SYT17: variants seen among roughly 807,000 people sequenced by gnomAD.
SYT17 encodes synaptotagmin-17.
SYT17 carries 22 observed loss-of-function variants against 46.7 expected under a neutral mutation model. That is an observed-to-expected ratio of 0.47 (90% CI 0.34 to 0.67). The LOEUF is 0.67. Ranked by LOEUF, SYT17 falls within the 30% of genes least tolerant of loss-of-function variation. SYT17 has a pLI of 0.01. For synonymous variants in SYT17, 251 were observed against 248.4 expected, an observed-to-expected ratio of 1.01 and a Z score of -0.10; for missense variants, 519 against 612.8, an observed-to-expected ratio of 0.85 and a Z score of 1.62.
chr16:19,217,819 A>C (rs561753336), intron 5 of SYT17, among the ~76,000 whole-genome samples: 3 of 152,288 alleles, frequency 2.0e-5, no homozygotes, highest in African/African-American at 7.2e-5. Flanking sequence ...ATCCTGGCCA[A>C]CACTGCTTAT....
rs780389431 is a variant in SYT17 at position 19,266,926 on chromosome 16, C to T, written c.1275C>T (p.Ile425=). 28 of 1,613,540 alleles carry T rather than the reference C, an allele frequency of 1.7e-5. No homozygotes were observed. In the South Asian group the frequency reaches 2.3e-4, roughly 13 times the overall value. ...MKSSNDFIGR[I]VIGQYSSGPS... ...GCAGCAATGACTTCATCGGGAGGATCGTCATTGGCCAGTACTCTTCAGGCC... is the reference window on the plus strand; with the variant it reads ...GCAGCAATGACTTCATCGGGAGGATTGTCATTGGCCAGTACTCTTCAGGCC... Residue 425 remains isoleucine (I), a synonymous_variant, in exon 8 of 8, where the codon ATC becomes ATT. Coordinates refer to ENST00000355377, the MANE Select transcript of SYT17 (RefSeq NM_016524.4).
intron 7 of SYT17, among the ~76,000 whole-genome samples, chr16:19,256,088 C>T (rs960966964): frequency 6.6e-6 from 1 of 152,176 alleles, no homozygotes; most frequent in Admixed American, 6.5e-5. Flanking sequence ...TAGAGGTAAT[C>T]ATAGTACAAA....
Position 19,248,754 on chromosome 16 carries a change from G to A in SYT17, c.1229-18126G>A, listed in dbSNP as rs1034968545. 4.6e-5 allele frequency among the ~76,000 whole-genome samples: 7 copies of A among 152,104 alleles called. 1 individual carries two copies. The highest frequency in any genetic ancestry group is 4.2e-4 in the South Asian group (2 of 4,812). ...GGAGAATCACTTGAATCTGGGAGGC[G>A]GAAGTTGCAGTGAGCTGAGATCGCG... On this transcript the variant is annotated intron_variant, in intron 7 of 7. Transcript: ENST00000355377.
Position 19,173,398 on chromosome 16 carries a change from ATCCCCCCGCCCACCT to A in SYT17, c.34-31_34-17del. On this transcript the variant is annotated splice_polypyrimidine_tract_variant and intron_variant, in intron 2 of 7. Transcript: ENST00000355377. ...ACCCTGCCCACCTCCCCTCTCCCCC[ATCCCCCCGCCCACCT>A]CCCCCAATGGCCTCAGGGTTTTCTT... 2 of 43,332 alleles carry A rather than the reference ATCCCCCCGCCCACCT, an allele frequency of 4.6e-5. No individual in the cohort carries two copies. Among genetic ancestry groups the A allele is most frequent in the Non-Finnish European group, 8.3e-5 (2 of 24,110 alleles). The allele number at this position is 43,332 out of a possible 1,614,324, so 2.7% of individuals were successfully genotyped here.
chr16:19,204,806 T>C (rs1439208460), intron 5 of SYT17, among the ~76,000 whole-genome samples: 1 of 152,104 alleles, frequency 6.6e-6, no homozygotes, highest in Non-Finnish European at 1.5e-5. Flanking sequence ...TTGGAAACAC[T>C]GAACTTAGTT....
intron 6 of SYT17, among the ~76,000 whole-genome samples, chr16:19,223,421 G>C (rs536023625): frequency 6.6e-6 from 1 of 152,296 alleles, no homozygotes; most frequent in South Asian, 2.1e-4. Context: ...CTGCAATGTA[G>C]ACGCCATCCT....
chr16:19,224,630 C>T (rs570336679), intron 6 of SYT17, 53 bp from the exon 7 acceptor site: 116 of 1,585,100 alleles, frequency 7.3e-5, no homozygotes, highest in South Asian at 1.7e-4. Flanking sequence ...AATGACTGGA[C>T]GGATTAGGTT....
At chr16:19,242,511 TAC>T (rs1387563474) in intron 7 of SYT17, among the ~76,000 whole-genome samples, 2 of 151,768 alleles carry the variant, frequency 1.3e-5, no homozygotes, top group East Asian at 3.9e-4. Flanking sequence ...ACTTAGATGA[TAC>T]ATTTTTTTTT....
chr16:19,205,705 C>A (rs1322517300), intron 5 of SYT17, among the ~76,000 whole-genome samples: 1 of 152,176 alleles, frequency 6.6e-6, no homozygotes, highest in Non-Finnish European at 1.5e-5. Flanking sequence ...TGGTCTTGAA[C>A]TCCTGACCTC....
At chr16:19,213,833 T>C (rs543893642) in intron 5 of SYT17, among the ~76,000 whole-genome samples, 1 of 152,330 alleles carries the variant, frequency 6.6e-6, no homozygotes, top group Non-Finnish European at 1.5e-5. Context: ...CCTGACGAAC[T>C]GTTCTTATAC....
rs149103467 is a variant in SYT17 at position 19,261,262 on chromosome 16, C to G, written c.1229-5618C>G. Among the ~76,000 whole-genome samples the G allele has an allele frequency of 8.5e-4, 129 of 152,364 alleles. 1 individual carries two copies. Among genetic ancestry groups the G allele is most frequent in the Middle Eastern group, 3.4e-3 (1 of 294 alleles). Reference sequence around the variant, plus strand: ...AAGTTATTACTTATCTTCAGCTTCACTTTATTATAATTTGCATTTTAAATT... The same window carrying G: ...AAGTTATTACTTATCTTCAGCTTCAGTTTATTATAATTTGCATTTTAAATT... On this transcript the variant is annotated intron_variant, in intron 7 of 7. Coordinates refer to ENST00000355377, the MANE Select transcript of SYT17 (RefSeq NM_016524.4).
Position 19,183,146 on chromosome 16 carries a change from G to C in SYT17, c.332-382G>C, listed in dbSNP as rs1964624403. ...ACTCTGGGGTCAGCTAGACCAGCCTGACCCCTGGCTCCTACACTTGCAAGT... is the reference window on the plus strand; with the variant it reads ...ACTCTGGGGTCAGCTAGACCAGCCTCACCCCTGGCTCCTACACTTGCAAGT... On this transcript the variant is annotated intron_variant, in intron 4 of 7. Coordinates refer to ENST00000355377, the MANE Select transcript of SYT17 (RefSeq NM_016524.4). This position sits in a 1 kb window ranked among gnomAD's most constrained non-coding sequence, Gnocchi z 5.6. 6.6e-6 allele frequency among the ~76,000 whole-genome samples: 1 copy of C among 152,182 alleles called. No individual in the cohort carries two copies. The highest frequency in any genetic ancestry group is 2.1e-4 in the South Asian group (1 of 4,828).
At chr16:19,190,768 C>CTGTGTGTGTG (rs56947560) in intron 5 of SYT17, among the ~76,000 whole-genome samples, 4 of 144,722 alleles carry the variant, frequency 2.8e-5, no homozygotes, top group African/African-American at 1.0e-4. Flanking sequence ...AATAATATTC[C>CTGTGTGTGTG]TGTGTGTGTG....
intron 7 of SYT17, among the ~76,000 whole-genome samples, chr16:19,226,490 C>T (rs747684139): frequency 6.6e-6 from 1 of 152,172 alleles, no homozygotes; most frequent in African/African-American, 2.4e-5. Flanking sequence ...GAGACCCCTT[C>T]GAAGCAGGTT....
At chr16:19,258,651 A>C (rs1968751600) in intron 7 of SYT17, among the ~76,000 whole-genome samples, 1 of 152,130 alleles carries the variant, frequency 6.6e-6, no homozygotes, top group South Asian at 2.1e-4. Context: ...CAAAAATAAA[A>C]TAAAATAAAA....
intron 7 of SYT17, among the ~76,000 whole-genome samples, chr16:19,248,781 C>T (rs567110854): frequency 1.2e-3 from 182 of 152,172 alleles, no homozygotes; most frequent in Non-Finnish European, 2.1e-3. Context: ...GAGATCGCGC[C>T]ACTGGACTCC....
intron 7 of SYT17, 114 bp downstream of exon 7, chr16:19,224,952 C>A: frequency 8.1e-7 from 1 of 1,228,298 alleles, no homozygotes. Flanking sequence ...GTCTGGCATT[C>A]AACTACCTGG....
chr16:19,207,668 G>T (rs1965725482), intron 5 of SYT17, among the ~76,000 whole-genome samples: 1 of 152,148 alleles, frequency 6.6e-6, no homozygotes, highest in African/African-American at 2.4e-5. Context: ...TTGGGGGAAA[G>T]TTATGTAAGG....
chr16:19,249,045 C>T (rs770993797), intron 7 of SYT17, among the ~76,000 whole-genome samples: 7 of 152,020 alleles, frequency 4.6e-5, no homozygotes, highest in East Asian at 1.9e-4. Context: ...GAGGCCGAGG[C>T]GGGTGGATCA....
Sources: gnomAD v4.1 joint callset for allele counts (sites outside exome capture counted in the v4.1 genomes callset) on GRCh38, gnomAD v4.1.1 for gene constraint, Gnocchi (gnomAD v3.1) non-coding constraint, MANE v1.5 for transcripts, NCBI Gene and HGNC (gene_info 2026-07-23, HGNC 2026-07-21) for gene names.